Variants in DNAH1 observed in about 807,000 individuals in gnomAD.
DNAH1 encodes axonemal beta dynein heavy chain 1.
In DNAH1, 327 loss-of-function variants were observed where a neutral mutation model predicts 484.3. The observed-to-expected ratio is 0.68, with a 90% CI of 0.62 to 0.74. The LOEUF (loss-of-function observed/expected upper bound fraction) is 0.74. Among genes scored for constraint, DNAH1 ranks in the 30% least tolerant of loss-of-function variants. DNAH1 has a pLI of 0.00. For synonymous variants in DNAH1, 2,192 were observed against 2,191.9 expected, an observed-to-expected ratio of 1.00 and a Z score of 0.00; for missense variants, 5,052 against 5,546.8, an observed-to-expected ratio of 0.91 and a Z score of 2.83.
intron 12 of DNAH1, among the ~76,000 whole-genome samples, chr3:52,348,542 C>T (rs758648900): frequency 2.6e-5 from 4 of 152,238 alleles, no homozygotes; most frequent in Non-Finnish European, 4.4e-5. Context: ...CCCTTCTTGT[C>T]GCCTTTGCTG....
chr3:52,327,767 GCT>G, intron 5 of DNAH1, 113 bp from the exon 6 acceptor site: 1 of 1,267,572 alleles, frequency 7.9e-7, no homozygotes, highest in African/African-American at 1.5e-5. Context: ...CCACCTTGCA[GCT>G]CTCTCACCTG....
Position 52,391,285 on chromosome 3 carries a change from G to A in DNAH1, c.9848G>A (p.Gly3283Asp), listed in dbSNP as rs372044511. Reference sequence around the variant, plus strand: ...AAGCCATGTCTCCTGGAGAACGTGGGCGAGGAGCTAGACCCAGCCCTGGAG... The same window carrying A: ...AAGCCATGTCTCCTGGAGAACGTGGACGAGGAGCTAGACCCAGCCCTGGAG... ...FGKPCLLENV[G>D]EELDPALEPV... The change falls in exon 62 of 78, where the codon GGC (glycine) becomes GAC (aspartate). Residue 3283 changes from glycine to aspartate, a missense_variant. Coordinates refer to ENST00000420323, the MANE Select transcript of DNAH1 (RefSeq NM_015512.5). 6 of 1,612,840 alleles carry A rather than the reference G, an allele frequency of 3.7e-6. No homozygotes were observed. Among genetic ancestry groups the A allele is most frequent in the African/African-American group, 1.3e-5 (1 of 74,902 alleles).
At position 52,398,084 on chromosome 3, in the gene DNAH1, A is replaced by C. The variant is rs769217525; in HGVS notation, c.12011A>C (p.Asn4004Thr). The change falls in exon 75 of 78, where the codon AAC becomes ACC. Residue 4004 changes from asparagine to threonine, a missense_variant. Physicochemically the swap from Asn to Thr is moderately conservative, Grantham distance 65. Around this residue, in one of 4 missense-constraint regions of DNAH1, gnomAD observed 853 missense variants for 899.0 expected, o/e 0.95. Coordinates refer to ENST00000420323, the MANE Select transcript of DNAH1 (RefSeq NM_015512.5). ...CTGCTCAAGGTGCCTGAGCCTATCA[A>C]CTTGCAATGGGTGATGGCCAAGTAC... is the stretch of plus-strand genomic sequence containing the variant. ...NILLKVPEPI[N>T]LQWVMAKYPV... 1 of 1,613,852 alleles carries C rather than the reference A, an allele frequency of 6.2e-7. No homozygotes were observed. The highest frequency in any genetic ancestry group is 1.3e-5 in the African/African-American group (1 of 74,936).
Position 52,364,765 on chromosome 3 carries a change from G to C in DNAH1, c.5331+41G>C. The C allele has an allele frequency of 6.2e-7, 1 of 1,607,286 alleles. No homozygotes were observed. The highest frequency in any genetic ancestry group is 8.5e-7 in the Non-Finnish European group (1 of 1,175,846). The stretch of plus-strand genomic sequence containing the variant: ...CAGGGCTCCAGGAGTGGAACTCTGG[G>C]AGGGCTCCTGGGCAGCTGGAGGGCA... On this transcript the variant is annotated intron_variant, in intron 33 of 77. Transcript: ENST00000420323. The surrounding 1 kb of genome is among the most constrained non-coding windows in gnomAD (Gnocchi z 4.2).
Position 52,368,675 on chromosome 3 carries a change from G to T in DNAH1, c.5766-66G>T, listed in dbSNP as rs1703184586. On this transcript the variant is annotated intron_variant, in intron 36 of 77. Coordinates refer to ENST00000420323, the MANE Select transcript of DNAH1 (RefSeq NM_015512.5). The surrounding 1 kb of genome is among the most constrained non-coding windows in gnomAD (Gnocchi z 4.4). ...CCCACCCGGCGGCCAGGCTTCCCTG[G>T]GAGCCAGCTGTGCTCGAAGCACCGC... 1 of 1,541,410 alleles carries T rather than the reference G, an allele frequency of 6.5e-7. No individual in the cohort carries two copies.
rs921392815 is a variant in DNAH1 at position 52,391,503 on chromosome 3, G to A, written c.9952G>A (p.Glu3318Lys). Reference sequence around the variant, plus strand: ...GGGGGACACGGTGATCCCCTACCATGAGGACTTCAGGATGTACATCACCAC... The same window carrying A: ...GGGGGACACGGTGATCCCCTACCATAAGGACTTCAGGATGTACATCACCAC... Reference protein sequence around the residue: ...KLGDTVIPYHEDFRMYITTKL... With the variant: ...KLGDTVIPYHKDFRMYITTKL... The change falls in exon 63 of 78, where the codon GAG (glutamate) becomes AAG (lysine). Residue 3318 changes from glutamate (E) to lysine (K), a missense_variant. Glu to Lys is a moderately conservative substitution (Grantham distance 56). Coordinates refer to ENST00000420323, the MANE Select transcript of DNAH1 (RefSeq NM_015512.5). 9 of 1,613,544 alleles carry A rather than the reference G, an allele frequency of 5.6e-6. No homozygotes were observed. The African/African-American group carries it at 1.1e-4, about 19-fold the overall frequency.
chr3:52,335,582 T>A (rs1701714505), intron 8 of DNAH1, among the ~76,000 whole-genome samples: 1 of 152,080 alleles, frequency 6.6e-6, no homozygotes, highest in East Asian at 1.9e-4. Context: ...GTGCTGGGAT[T>A]ATAGGTGTGA....
intron 70 of DNAH1, 24 bp from the exon 71 acceptor site, chr3:52,396,344 C>G (rs1259861509): frequency 1.0e-5 from 16 of 1,556,004 alleles, no homozygotes; most frequent in Non-Finnish European, 1.4e-5. Flanking sequence ...GGTCTCAATG[C>G]TCACGTGGAG....
In DNAH1 at chr3:52,372,097, C is replaced by A. The variant is rs201766521; in HGVS notation, c.6666+11C>A. On this transcript the variant is annotated intron_variant, in intron 42 of 77. Coordinates refer to ENST00000420323, the MANE Select transcript of DNAH1 (RefSeq NM_015512.5). ...ACCAACAAGAAGCCCGTGAGCACCC[C>A]CCCAGGCCCTGCCTCCACTGTCCCC... 236 of 1,613,046 alleles carry A rather than the reference C, an allele frequency of 1.5e-4. 4 individuals carry two copies. In the East Asian group the frequency reaches 5.2e-3, roughly 35 times the overall value.
chr3:52,370,887 G>C, intron 41 of DNAH1, 62 bp downstream of exon 41: 6 of 1,498,864 alleles, frequency 4.0e-6, no homozygotes, highest in Non-Finnish European at 5.4e-6. Flanking sequence ...TGCTGTTCCC[G>C]CAATGAATTA....
Position 52,345,404 on chromosome 3 carries a change from T to C in DNAH1, c.1445-91T>C, listed in dbSNP as rs11718125. On this transcript the variant is annotated intron_variant, in intron 9 of 77. Coordinates refer to ENST00000420323, the MANE Select transcript of DNAH1 (RefSeq NM_015512.5). ...CTCTTCAGGGAGAAGGCAGGAGTCA[T>C]GGCCCTCCTTCAAGCACCCTGTGGA... 0.17 allele frequency: 186,174 copies of C among 1,081,672 alleles called. 17,584 individuals carry two copies. The highest frequency in any genetic ancestry group is 0.29 in the African/African-American group (18,585 of 63,712). The allele number at this position is 1,081,672 out of a possible 1,614,324, so 67.0% of individuals were successfully genotyped here. A position where few individuals can be genotyped will look rare whatever the true frequency, so the allele number is the denominator to read the frequency against.
chr3:52,396,373 C>A lies in DNAH1; in HGVS notation c.11265C>A (p.His3755Gln). 6.4e-7 allele frequency: 1 copy of A among 1,574,694 alleles called. No homozygotes were observed. Among genetic ancestry groups the A allele is most frequent in the Non-Finnish European group, 8.6e-7 (1 of 1,160,956 alleles). Residue 3755 changes from histidine to glutamine, a missense_variant, in exon 71 of 78, where the codon CAC becomes CAA. Coordinates refer to ENST00000420323, the MANE Select transcript of DNAH1 (RefSeq NM_015512.5). Reference sequence around the variant, plus strand: ...CGTGGAGCCATGGCCACCAGGTACACAGGGACTTCCGCCTCTGGCTCACCA... The same window carrying A: ...CGTGGAGCCATGGCCACCAGGTACAAAGGGACTTCCGCCTCTGGCTCACCA... ...LIEHINPDKV[H>Q]RDFRLWLTSL...
intron 26 of DNAH1, 31 bp downstream of exon 26, chr3:52,359,417 C>A: frequency 6.4e-7 from 1 of 1,558,692 alleles, no homozygotes; most frequent in African/African-American, 1.4e-5. Flanking sequence ...TGTCTGTCCC[C>A]CTCCACCCCC....
Position 52,352,040 on chromosome 3 carries a change from G to A in DNAH1, c.2808G>A (p.Glu936=), listed in dbSNP as rs750291767. The change falls in exon 17 of 78, where the codon GAG becomes GAA. Residue 936 remains glutamate (E), a synonymous_variant. Transcript: ENST00000420323. The part of the protein sequence containing the change: ...LVQQQHVEDE[E]KFRKIQIMDQ... ...AGCAGCAGCATGTGGAGGATGAGGA[G>A]AAGTTCCGCAAAATCCAGATCATGG... 11 of 1,594,070 alleles carry A rather than the reference G, an allele frequency of 6.9e-6. 1 individual carries two copies. In the South Asian group the frequency reaches 1.3e-4, roughly 18 times the overall value.
intron 73 of DNAH1, 54 bp from the exon 74 acceptor site, chr3:52,397,651 CTG>C: frequency 1.3e-6 from 2 of 1,500,446 alleles, no homozygotes; most frequent in Non-Finnish European, 1.8e-6. Flanking sequence ...GAGGGTAACT[CTG>C]AGGGCTGGGG....
Position 52,358,002 on chromosome 3 carries a change from G to C in DNAH1, c.4085G>C (p.Arg1362Pro). Residue 1362 changes from arginine to proline, a missense_variant and splice_region_variant, in exon 24 of 78, where the codon CGG (arginine) becomes CCG (proline). Arg to Pro is a moderately radical substitution (Grantham distance 103). Coordinates refer to ENST00000420323, the MANE Select transcript of DNAH1 (RefSeq NM_015512.5). The surrounding 1 kb of genome is among the most constrained non-coding windows in gnomAD (Gnocchi z 4.2). ...HLRKCFENIARLLFQEDLEIT... is the reference protein window; with the variant it reads ...HLRKCFENIAPLLFQEDLEIT... Reference sequence around the variant, plus strand: ...CGCAAGTGCTTCGAGAACATCGCTCGGGTGGGCAGCTGGGCCCGGGGCTCA... The same window carrying C: ...CGCAAGTGCTTCGAGAACATCGCTCCGGTGGGCAGCTGGGCCCGGGGCTCA... 1 of 1,601,324 alleles carries C rather than the reference G, an allele frequency of 6.2e-7. No individual in the cohort carries two copies. Among genetic ancestry groups the C allele is most frequent in the Non-Finnish European group, 8.5e-7 (1 of 1,171,938 alleles).
intron 42 of DNAH1, 22 bp from the exon 43 acceptor site, chr3:52,372,205 T>G (rs1703374051): frequency 6.2e-7 from 1 of 1,613,350 alleles, no homozygotes; most frequent in Middle Eastern, 1.7e-4. Flanking sequence ...CGCATGCTCC[T>G]GTGCCATCCC....
chr3:52,384,305 CT>C lies in DNAH1; in HGVS notation c.8322+275del, dbSNP rs560543711. On this transcript the variant is annotated intron_variant, in intron 52 of 77. Transcript: ENST00000420323. ...CATGGTGCTTTCTTCCAAGAACCCC[CT>C]GATAGAACTCCAGAGATCACAGATG... 2.0e-3 allele frequency among the ~76,000 whole-genome samples: 299 copies of C among 152,348 alleles called. 3 individuals carry two copies. Among genetic ancestry groups the C allele is most frequent in the Admixed American group, 0.019 (289 of 15,306 alleles).
At chr3:52,367,722 T>C (rs963448453) in intron 36 of DNAH1, among the ~76,000 whole-genome samples, 7 of 152,118 alleles carry the variant, frequency 4.6e-5, no homozygotes, top group South Asian at 2.1e-4. Flanking sequence ...TACAGGCATG[T>C]GCCACCATGC....
Sources: allele counts gnomAD v4.1 joint callset (sites outside exome capture counted in the v4.1 genomes callset), GRCh38; gene constraint gnomAD v4.1.1; regional missense constraint gnomAD v4.1.1; non-coding constraint Gnocchi (gnomAD v3.1); transcripts MANE v1.5; gene names NCBI Gene and HGNC (gene_info 2026-07-23, HGNC 2026-07-21).